DNAH17: variants seen among roughly 807,000 people sequenced by gnomAD.
DNAH17 encodes axonemal beta dynein heavy chain 17.
A neutral mutation model predicts 485.6 loss-of-function variants in DNAH17; 376 were observed. That is an observed-to-expected ratio of 0.77 (90% CI 0.71 to 0.84). The LOEUF (loss-of-function observed/expected upper bound fraction) is 0.84. Among genes scored for constraint, DNAH17 ranks in the 40% least tolerant of loss-of-function variants. The pLI is 0.00. For synonymous variants in DNAH17, 3,031 were observed against 2,405.9 expected, an observed-to-expected ratio of 1.26 and a Z score of -7.60; for missense variants, 6,370 against 5,839.3, an observed-to-expected ratio of 1.09 and a Z score of -2.96.
intron 16 of DNAH17, among the ~76,000 whole-genome samples, chr17:78,546,926 C>T (rs1047769948): frequency 5.4e-5 from 8 of 149,500 alleles, no homozygotes; most frequent in African/African-American, 2.0e-4. Context: ...AAAAAAATTG[C>T]TTTTGATTCT....
At position 78,459,920 on chromosome 17, in the gene DNAH17, C is replaced by A; in HGVS notation, c.9517G>T (p.Ala3173Ser). The A allele has an allele frequency of 6.2e-7, 1 of 1,614,024 alleles. No homozygotes were observed. Among genetic ancestry groups the A allele is most frequent in the Non-Finnish European group, 8.5e-7 (1 of 1,179,896 alleles). ...TCCTTGGGGATCTTGCCCCCAGGTG[C>A]GGTCAGAATCATGACGGCGGCGGTG... ...NVTAAVMILTAPGGKIPKDKS... is the reference protein window; with the variant it reads ...NVTAAVMILTSPGGKIPKDKS... The change falls in exon 60 of 81, where the codon GCA (alanine) becomes TCA (serine). Residue 3173 changes from alanine (A) to serine (S), a missense_variant. Physicochemically the swap from Ala to Ser is moderately conservative, Grantham distance 99. Coordinates refer to ENST00000389840, the MANE Select transcript of DNAH17 (RefSeq NM_173628.4).
Position 78,476,639 on chromosome 17 carries a change from AT to A in DNAH17, c.8086del (p.Met2696TrpfsTer52). On this transcript the variant is annotated frameshift_variant, in exon 52 of 81. Transcript: ENST00000389840. LOFTEE classifies it high-confidence loss of function. ...TGTTTCCTGGTCTTTTTCGTCAACC[AT>A]TTTGTCACCATACACTCGTTCAGTC... ...HETERVYGDKMVDEKDQETLH... is the reference protein window; with the variant it reads ...HETERVYGDKXVDEKDQETLH... 6.2e-7 allele frequency: 1 copy of A among 1,612,378 alleles called. No homozygotes were observed.
intron 75 of DNAH17, 39 bp from the exon 76 acceptor site, chr17:78,429,339 G>A (rs2086593504): frequency 1.3e-6 from 2 of 1,594,452 alleles, no homozygotes; most frequent in Admixed American, 1.7e-5. Flanking sequence ...AAGTGCCCCT[G>A]TGCCCCTTCT....
At chr17:78,521,751 C>T (rs189490157) in intron 25 of DNAH17, among the ~76,000 whole-genome samples, 54 of 152,300 alleles carry the variant, frequency 3.5e-4, no homozygotes, top group African/African-American at 1.3e-3. Context: ...CTTTGGGAGG[C>T]CAAGGCGGGC....
At chr17:78,429,037 G>C in intron 76 of DNAH17, 84 bp downstream of exon 76, 1 of 1,426,560 alleles carries the variant, frequency 7.0e-7, no homozygotes, top group Non-Finnish European at 9.6e-7. Context: ...CTCAATTATT[G>C]ACACTCCATT....
At chr17:78,453,557 G>C in intron 64 of DNAH17, 92 bp from the exon 65 acceptor site, 1 of 1,527,576 alleles carries the variant, frequency 6.5e-7, no homozygotes, top group Non-Finnish European at 8.9e-7. Context: ...CCCTCTGAGC[G>C]AGACAGCGCC....
chr17:78,529,425 G>A lies in DNAH17; in HGVS notation c.3507+47C>T, dbSNP rs560512423. The A allele has an allele frequency of 3.8e-5, 61 of 1,593,550 alleles. 1 individual carries two copies. The highest frequency in any genetic ancestry group is 1.2e-4 in the Admixed American group (7 of 59,886). ...GCTGGTCCATGGTCGCGGCCGGGATGGCTCTCCCTGCTCACCTGGACGCAG... is the reference window on the plus strand; with the variant it reads ...GCTGGTCCATGGTCGCGGCCGGGATAGCTCTCCCTGCTCACCTGGACGCAG... On this transcript the variant is annotated intron_variant, in intron 22 of 80. Coordinates refer to ENST00000389840, the MANE Select transcript of DNAH17 (RefSeq NM_173628.4).
intron 48 of DNAH17, among the ~76,000 whole-genome samples, chr17:78,482,067 T>G: frequency 7.8e-6 from 1 of 129,032 alleles, no homozygotes; most frequent in Non-Finnish European, 1.6e-5. Context: ...ACTACACTAG[T>G]TACTTTTTTT....
intron 43 of DNAH17, among the ~76,000 whole-genome samples, chr17:78,491,221 A>G (rs189491089): frequency 6.6e-5 from 10 of 152,368 alleles, no homozygotes; most frequent in African/African-American, 2.4e-4. Context: ...CTCTGAACCC[A>G]TCCTGCTAAA....
In DNAH17 at chr17:78,458,637, T is replaced by G. The variant is rs780330039; in HGVS notation, c.9905A>C (p.Lys3302Thr). 1.2e-6 allele frequency: 2 copies of G among 1,614,008 alleles called. No homozygotes were observed. Among genetic ancestry groups the G allele is most frequent in the East Asian group, 2.2e-5 (1 of 44,884 alleles). The change falls in exon 62 of 81, where the codon AAA becomes ACA. Residue 3302 changes from lysine to threonine, a missense_variant. Lys to Thr is a moderately conservative substitution (Grantham distance 78). Coordinates refer to ENST00000389840, the MANE Select transcript of DNAH17 (RefSeq NM_173628.4). ...ACACTTGATTTTCTCAGCTGTTGCT[T>G]TTTCAAACGCTGAGGTTAGGTTGCT... ...NLSNLTSAFE[K>T]ATAEKIKCQQ... is the part of the protein sequence containing the mutation.
At chr17:78,554,065 G>A (rs925038315) in intron 14 of DNAH17, among the ~76,000 whole-genome samples, 2 of 152,124 alleles carry the variant, frequency 1.3e-5, no homozygotes, top group East Asian at 1.9e-4. Flanking sequence ...AAAGTGCTGG[G>A]ATTACAGGTG....
intron 71 of DNAH17, among the ~76,000 whole-genome samples, chr17:78,443,034 G>A (rs1436957541): frequency 2.0e-5 from 3 of 152,220 alleles, no homozygotes; most frequent in Non-Finnish European, 2.9e-5. Context: ...ACACGTCAAT[G>A]CTGAGGGATG....
chr17:78,451,331 G>T, intron 66 of DNAH17, 138 bp downstream of exon 66: 1 of 711,684 alleles, frequency 1.4e-6, no homozygotes, highest in Non-Finnish European at 2.3e-6. Context: ...TGATGCCGTG[G>T]GACACACTGA....
intron 25 of DNAH17, among the ~76,000 whole-genome samples, chr17:78,517,071 C>T (rs1012984787): frequency 7.2e-5 from 11 of 152,216 alleles, no homozygotes; most frequent in African/African-American, 2.7e-4. Flanking sequence ...CAGAGTCTCA[C>T]TCACTCTGTC....
intron 57 of DNAH17, 145 bp from the exon 58 acceptor site, chr17:78,461,853 G>T: frequency 2.8e-6 from 2 of 715,054 alleles, no homozygotes; most frequent in Non-Finnish European, 2.2e-6. Flanking sequence ...GTTTTGGAGA[G>T]TCTTTTCAAT....
intron 69 of DNAH17, among the ~76,000 whole-genome samples, chr17:78,448,707 C>T (rs928427711): frequency 1.3e-5 from 2 of 152,104 alleles, no homozygotes; most frequent in Non-Finnish European, 2.9e-5. Flanking sequence ...GCAGTTGGGC[C>T]GTGACAGCAG....
intron 57 of DNAH17, among the ~76,000 whole-genome samples, chr17:78,462,332 C>T (rs2088175892): frequency 6.6e-6 from 1 of 152,084 alleles, no homozygotes; most frequent in African/African-American, 2.4e-5. Flanking sequence ...TTCACAACTC[C>T]AGCAGGGAGG....
chr17:78,432,179 A>AAAATAAAT (rs569124752), intron 75 of DNAH17, among the ~76,000 whole-genome samples: 86 of 149,746 alleles, frequency 5.7e-4, no homozygotes, highest in Admixed American at 2.2e-3. Flanking sequence ...CCCTGTCTCA[A>AAAATAAAT]AAATAAATAA....
chr17:78,426,380 T>C (rs986964306), intron 79 of DNAH17, 77 bp downstream of exon 79: 2 of 1,458,544 alleles, frequency 1.4e-6, no homozygotes, highest in Admixed American at 2.6e-5. Context: ...CTGCAGGCTC[T>C]AGGGTGTGGG....
Sources: allele counts gnomAD v4.1 joint callset (sites outside exome capture counted in the v4.1 genomes callset), GRCh38; gene constraint gnomAD v4.1.1; transcripts MANE v1.5; gene names NCBI Gene and HGNC (gene_info 2026-07-23, HGNC 2026-07-21).